The following TMEM127 variants were observed in gnomAD, a reference collection of about 807,000 sequenced individuals.
The protein encoded by TMEM127 is transmembrane protein 127.
In TMEM127, 21 loss-of-function variants were observed where a neutral mutation model predicts 20.1. That is an observed-to-expected ratio of 1.04 (90% confidence interval 0.74 to 1.50). The LOEUF is 1.50. TMEM127 is among the 40% of genes most tolerant of loss of function. TMEM127 has a pLI of 0.00. For synonymous variants in TMEM127, 150 were observed against 144.7 expected (o/e 1.04, Z -0.26); for missense variants, 303 against 317.4 (o/e 0.95, Z 0.34).
In TMEM127 at chr2:96,250,937, G is replaced by C. The variant is rs1286973808; in HGVS notation, c.*2871C>G. The C allele has an allele frequency of 4.4e-6, 1 of 228,524 alleles. No individual in the cohort carries two copies. Among genetic ancestry groups the C allele is most frequent in the Non-Finnish European group, 8.7e-6 (1 of 115,276 alleles). The allele number at this position is 228,524 out of a possible 1,614,324, so 14.2% of individuals were successfully genotyped here. ...TATTAAATAAAATTTAAACAATAGAGGGAAAAAAAGTGTAGTTTGTTCTGC... is the reference window on the plus strand; with the variant it reads ...TATTAAATAAAATTTAAACAATAGACGGAAAAAAAGTGTAGTTTGTTCTGC... On this transcript the variant is annotated 3_prime_UTR_variant, in exon 4 of 4. Coordinates refer to ENST00000258439, the MANE Select transcript of TMEM127 (RefSeq NM_017849.4).
rs558878057 is a variant in TMEM127, at chr2:96,262,235, G to A, written c.244+2903C>T. ...GATGGCGCCGCTGCACTCCAGCCTG[G>A]GTGACAGAGCAAGAGTCTGTCTCAT... On this transcript the variant is annotated intron_variant, in intron 2 of 3. Coordinates refer to ENST00000258439, the MANE Select transcript of TMEM127 (RefSeq NM_017849.4). Among the ~76,000 whole-genome samples the A allele has an allele frequency of 1.1e-3, 172 of 151,604 alleles. 1 individual carries two copies. The highest frequency in any genetic ancestry group is 3.8e-3 in the African/African-American group (155 of 41,294).
Position 96,254,990 on chromosome 2 carries a change from G to A in TMEM127, c.252C>T (p.Cys84=). Residue 84 remains cysteine, a synonymous_variant, in exon 3 of 4, where the codon TGC becomes TGT. Transcript: ENST00000258439. Reference sequence around the variant, plus strand: ...GGAGCAGCACTGTCTGGGGATTCATGCAGAAATCTGTAGAGGGAGAACCAA... The same window carrying A: ...GGAGCAGCACTGTCTGGGGATTCATACAGAAATCTGTAGAGGGAGAACCAA... ...YVHPDLLKDF[C]MNPQTVLLLR... is the part of the protein sequence containing the mutation. 6.2e-7 allele frequency: 1 copy of A among 1,614,218 alleles called. No individual in the cohort carries two copies. Among genetic ancestry groups the A allele is most frequent in the African/African-American group, 1.3e-5 (1 of 75,066 alleles).
In TMEM127 at chr2:96,249,093, T is replaced by TGTGTGTGTGTGTGTGTGTG. The variant is rs1684035007; in HGVS notation, c.*4696_*4714dup. 1.2e-5 allele frequency: 2 copies of TGTGTGTGTGTGTGTGTGTG among 160,894 alleles called. No homozygotes were observed. The highest frequency in any genetic ancestry group is 2.9e-4 in the East Asian group (2 of 6,872). 10.0% of individuals were successfully genotyped at this position (160,894 alleles called of 1,614,324 possible). A position where few individuals can be genotyped will look rare whatever the true frequency, so the allele number is the denominator to read the frequency against. On this transcript the variant is annotated 3_prime_UTR_variant, in exon 4 of 4. Coordinates refer to ENST00000258439, the MANE Select transcript of TMEM127 (RefSeq NM_017849.4). ...GAGGAACCTGTGTGTGTGTGTGTGG[T>TGTGTGTGTGTGTGTGTGTG]GTGTGTGTGTGTGTGTGTGTGTGTT...
intron 2 of TMEM127, among the ~76,000 whole-genome samples, chr2:96,261,732 G>A (rs1684314828): frequency 6.6e-6 from 1 of 152,186 alleles, no homozygotes; most frequent in Non-Finnish European, 1.5e-5. Flanking sequence ...CAGATTAGCT[G>A]AGCAAACTAC....
Position 96,253,773 on chromosome 2 carries a change from G to C in TMEM127, c.*35C>G. The C allele has an allele frequency of 6.3e-7, 1 of 1,586,406 alleles. No individual in the cohort carries two copies. The highest frequency in any genetic ancestry group is 8.6e-7 in the Non-Finnish European group (1 of 1,162,914). On this transcript the variant is annotated 3_prime_UTR_variant, in exon 4 of 4. Coordinates refer to ENST00000258439, the MANE Select transcript of TMEM127 (RefSeq NM_017849.4). This position sits in a 1 kb window ranked among gnomAD's most constrained non-coding sequence, Gnocchi z 4.3. ...TGCGAGAGGAGCTGCAGAGTTGAGG[G>C]AGGGGCTGCCGAGGAAGAGAGCCCA...
At position 96,248,937 on chromosome 2, in the gene TMEM127, TGCTGTCCCACTCA is replaced by T. The variant is rs1339121836; in HGVS notation, c.*4858_*4870del. ...TGAAGCCCCTTACCACCCACTGTGT[TGCTGTCCCACTCA>T]GCTGAAGGGGCTGGCCAGTCCCGCA... On this transcript the variant is annotated 3_prime_UTR_variant, in exon 4 of 4. Coordinates refer to ENST00000258439, the MANE Select transcript of TMEM127 (RefSeq NM_017849.4). 4.7e-5 allele frequency: 11 copies of T among 232,664 alleles called. No individual in the cohort carries two copies. The highest frequency in any genetic ancestry group is 6.6e-5 in the African/African-American group (3 of 45,304). The allele number at this position is 232,664 out of a possible 1,614,324, so 14.4% of individuals were successfully genotyped here.
Position 96,255,255 on chromosome 2 carries a change from C to T in TMEM127, c.245-258G>A, listed in dbSNP as rs62153029. ...AGCCTAAGTGCAGGATTCTACTTCA[C>T]TGTGTATGCCATGCCCTTCTAACCA... On this transcript the variant is annotated intron_variant, in intron 2 of 3. Coordinates refer to ENST00000258439, the MANE Select transcript of TMEM127 (RefSeq NM_017849.4). 0.14 allele frequency among the ~76,000 whole-genome samples: 21,879 copies of T among 152,270 alleles called. 1,813 individuals are homozygous for T. Among genetic ancestry groups the T allele is most frequent in the South Asian group, 0.27 (1,303 of 4,824 alleles).
At chr2:96,265,735 T>C (rs2104309855) in intron 1 of TMEM127, 134 bp downstream of exon 1, 1 of 240,384 alleles carries the variant, frequency 4.2e-6, no homozygotes, top group Non-Finnish European at 8.0e-6. Flanking sequence ...AGTCAGGGTC[T>C]CAGCCAGAGG....
In TMEM127 at chr2:96,254,003, G is replaced by A. The variant is rs367951215; in HGVS notation, c.522C>T (p.Ala174=). 5.3e-5 allele frequency: 85 copies of A among 1,614,136 alleles called. No homozygotes were observed. The highest frequency in any genetic ancestry group is 3.3e-4 in the South Asian group (30 of 91,080). The change falls in exon 4 of 4, where the codon GCC becomes GCT. Residue 174 remains alanine (A), a synonymous_variant. Transcript: ENST00000258439. ...YHGSQVYVTF[A]VSFYLVAGAG... Reference sequence around the variant, plus strand: ...CTCCTGCCACCAGGTAGAAGCTAACGGCGAAGGTGACATAGACCTGGGATC... The same window carrying A: ...CTCCTGCCACCAGGTAGAAGCTAACAGCGAAGGTGACATAGACCTGGGATC...
At position 96,253,698 on chromosome 2, in the gene TMEM127, T is replaced by C. The variant is rs919512819; in HGVS notation, c.*110A>G. The stretch of plus-strand genomic sequence containing the variant: ...TCTCCTGGGGAAGGTTTGGAGAAGA[T>C]GGTCAGGATCCTACCAGTGAGGCCT... On this transcript the variant is annotated 3_prime_UTR_variant, in exon 4 of 4. Coordinates refer to ENST00000258439, the MANE Select transcript of TMEM127 (RefSeq NM_017849.4). The surrounding 1 kb of genome is among the most constrained non-coding windows in gnomAD (Gnocchi z 4.3). 1 of 1,228,030 alleles carries C rather than the reference T, an allele frequency of 8.1e-7. No individual in the cohort carries two copies. The highest frequency in any genetic ancestry group is 1.5e-5 in the African/African-American group (1 of 65,848). The allele number at this position is 1,228,030 out of a possible 1,614,324, so 76.1% of individuals were successfully genotyped here. A position where few individuals can be genotyped will look rare whatever the true frequency, so the allele number is the denominator to read the frequency against.
Position 96,265,123 on chromosome 2 carries a change from G to C in TMEM127, c.244+15C>G. The stretch of plus-strand genomic sequence containing the variant: ...CCCCACCGAGGCTTTAAGGGCCAGC[G>C]CGCAGCACCCTCACCTTTCAGCAGG... On this transcript the variant is annotated intron_variant, in intron 2 of 3. Coordinates refer to ENST00000258439, the MANE Select transcript of TMEM127 (RefSeq NM_017849.4). 1.2e-6 allele frequency: 2 copies of C among 1,612,002 alleles called. No individual in the cohort carries two copies. The highest frequency in any genetic ancestry group is 1.7e-6 in the Non-Finnish European group (2 of 1,179,746).
rs1060500599 is a variant in TMEM127 at position 96,265,154 on chromosome 2, G to A, written c.228C>T (p.His76=). 3 of 1,611,778 alleles carry A rather than the reference G, an allele frequency of 1.9e-6. No individual in the cohort carries two copies. Among genetic ancestry groups the A allele is most frequent in the Non-Finnish European group, 8.5e-7 (1 of 1,179,688 alleles). ...LGVSDVLGYV[H]PDLLKDFCMN... is the part of the protein sequence containing the mutation. ...CACCCTCACCTTTCAGCAGGTCCGG[G>A]TGCACATAGCCCAACACGTCGGAGA... The change falls in exon 2 of 4, where the codon CAC becomes CAT. Residue 76 remains histidine (H), a synonymous_variant. Transcript: ENST00000258439.
chr2:96,259,928 C>G (rs1400490853), intron 2 of TMEM127, among the ~76,000 whole-genome samples: 1 of 152,250 alleles, frequency 6.6e-6, no homozygotes, highest in Admixed American at 6.5e-5. Flanking sequence ...ACCAAGACTT[C>G]CTTGACCACA....
chr2:96,262,688 CTT>C (rs1431023179), intron 2 of TMEM127, among the ~76,000 whole-genome samples: 1 of 152,202 alleles, frequency 6.6e-6, no homozygotes, highest in Non-Finnish European at 1.5e-5. Context: ...TGAATAATTT[CTT>C]TCTTTTTAAT....
intron 2 of TMEM127, among the ~76,000 whole-genome samples, chr2:96,257,332 C>G (rs550079920): frequency 1.7e-4 from 26 of 152,046 alleles, no homozygotes; most frequent in Non-Finnish European, 2.8e-4. Context: ...CGTGGTGGCG[C>G]GCGCCTGTAG....
chr2:96,254,164 A>G (rs1046230418), intron 3 of TMEM127, 49 bp from the exon 4 acceptor site: 5 of 1,605,506 alleles, frequency 3.1e-6, no homozygotes, highest in African/African-American at 2.7e-5. Context: ...AGCACTCCAC[A>G]GCTAGGATGC....
Position 96,265,444 on chromosome 2 carries a change from C to T in TMEM127, c.-63G>A. The T allele has an allele frequency of 7.7e-7, 1 of 1,306,906 alleles. No individual in the cohort carries two copies. The highest frequency in any genetic ancestry group is 4.2e-5 in the Admixed American group (1 of 24,026). The allele number at this position is 1,306,906 out of a possible 1,614,324, so 81.0% of individuals were successfully genotyped here. ...GGTCGCCGCCGACCTCCGCGGGGCG[C>T]GCAGAGCCTGACAGTCCGGTGGAGG... On this transcript the variant is annotated 5_prime_UTR_variant, in exon 2 of 4. Transcript: ENST00000258439.
chr2:96,259,996 T>G (rs1381495383), intron 2 of TMEM127, among the ~76,000 whole-genome samples: 1 of 152,208 alleles, frequency 6.6e-6, no homozygotes, highest in African/African-American at 2.4e-5. Flanking sequence ...ACCCTACAAG[T>G]ATGACAATAT....
At chr2:96,255,081 C>A in intron 2 of TMEM127, 84 bp from the exon 3 acceptor site, 3 of 1,560,188 alleles carry the variant, frequency 1.9e-6, no homozygotes, top group Non-Finnish European at 2.6e-6. Context: ...TGATTCCCCT[C>A]CACCACAGTC....
Sources: allele counts gnomAD v4.1 joint callset (sites outside exome capture counted in the v4.1 genomes callset), GRCh38; gene constraint gnomAD v4.1.1; non-coding constraint Gnocchi (gnomAD v3.1); transcripts MANE v1.5; gene names NCBI Gene and HGNC (gene_info 2026-07-23, HGNC 2026-07-21).